The following NEGR1 variants were observed in gnomAD, a reference collection of about 807,000 sequenced individuals.
NEGR1 encodes neuronal growth regulator 1.
In NEGR1, 10 loss-of-function variants were observed where a neutral mutation model predicts 40.9. The observed-to-expected ratio is 0.24, with a 90% CI of 0.15 to 0.42. NEGR1 has a LOEUF of 0.42. NEGR1 is among the 10% of genes least tolerant of loss of function. NEGR1 has a pLI of 1.00. For synonymous variants in NEGR1, 185 were observed against 166.8 expected (o/e 1.11, Z -0.84); for missense variants, 352 against 438.9 (o/e 0.80, Z 1.77).
chr1:72,091,594 A>T (rs1388400166), intron 1 of NEGR1, among the ~76,000 whole-genome samples: 2 of 152,070 alleles, frequency 1.3e-5, no homozygotes, highest in African/African-American at 4.8e-5. Context: ...CTATAGTTGT[A>T]TTCAAGTCCC....
At chr1:71,440,263 T>C (rs1646537906) in intron 6 of NEGR1, among the ~76,000 whole-genome samples, 1 of 152,212 alleles carries the variant, frequency 6.6e-6, no homozygotes, top group Non-Finnish European at 1.5e-5. Flanking sequence ...TGAGAAATAC[T>C]GAATTACCAG....
At chr1:72,182,767 T>C in intron 1 of NEGR1, among the ~76,000 whole-genome samples, 1 of 79,834 alleles carries the variant, frequency 1.3e-5, no homozygotes, top group South Asian at 4.1e-4. Flanking sequence ...TGAGTATCTG[T>C]GTGTGCGTGT....
chr1:72,150,820 TA>T (rs1651099405), intron 1 of NEGR1, among the ~76,000 whole-genome samples: 1 of 152,110 alleles, frequency 6.6e-6, no homozygotes, highest in African/African-American at 2.4e-5. Flanking sequence ...CTTATTCACA[TA>T]TTTTTTGCAA....
At chr1:71,786,656 A>T (rs1450996659) in intron 2 of NEGR1, among the ~76,000 whole-genome samples, 3 of 152,118 alleles carry the variant, frequency 2.0e-5, no homozygotes, top group African/African-American at 7.2e-5. Flanking sequence ...TCTTCCTTCC[A>T]TCCACCCATC....
chr1:71,736,782 T>A (rs879708855), intron 3 of NEGR1, among the ~76,000 whole-genome samples: 2 of 152,202 alleles, frequency 1.3e-5, no homozygotes, highest in Non-Finnish European at 2.9e-5. Context: ...AAGAACTAAA[T>A]ATTTGCTGAA....
At chr1:71,918,630 C>T (rs1434299159) in intron 2 of NEGR1, among the ~76,000 whole-genome samples, 1 of 151,818 alleles carries the variant, frequency 6.6e-6, no homozygotes, top group African/African-American at 2.4e-5. Flanking sequence ...GAAAAACACA[C>T]ATAGCTTTTT....
At chr1:71,445,671 C>G (rs568180810) in intron 6 of NEGR1, among the ~76,000 whole-genome samples, 1 of 152,094 alleles carries the variant, frequency 6.6e-6, no homozygotes, top group African/African-American at 2.4e-5. Context: ...AAAATAAGAC[C>G]TAGAAAATGC....
chr1:71,695,597 A>C (rs1653449996), intron 4 of NEGR1, among the ~76,000 whole-genome samples: 1 of 151,764 alleles, frequency 6.6e-6, no homozygotes, highest in Admixed American at 6.6e-5. Flanking sequence ...AGTGTCTGAC[A>C]CCCTGACAAA....
At chr1:71,572,604 C>A (rs140342867) in intron 6 of NEGR1, among the ~76,000 whole-genome samples, 1 of 152,068 alleles carries the variant, frequency 6.6e-6, no homozygotes, top group Non-Finnish European at 1.5e-5. Context: ...CAGCCATGTA[C>A]GCGTGAGGTC....
At chr1:71,772,295 T>C (rs186380204) in intron 3 of NEGR1, among the ~76,000 whole-genome samples, 7 of 152,142 alleles carry the variant, frequency 4.6e-5, no homozygotes, top group Non-Finnish European at 1.0e-4. Context: ...TCCCAGCTAG[T>C]TGGGAGACTG....
intron 1 of NEGR1, among the ~76,000 whole-genome samples, chr1:72,071,410 T>C (rs536774082): frequency 6.6e-6 from 1 of 152,276 alleles, no homozygotes; most frequent in Admixed American, 6.5e-5. Context: ...ATTAGTAGAA[T>C]AACAAGTATC....
At chr1:71,976,503 C>G (rs1434721991) in intron 1 of NEGR1, among the ~76,000 whole-genome samples, 1 of 152,122 alleles carries the variant, frequency 6.6e-6, no homozygotes, top group African/African-American at 2.4e-5. Flanking sequence ...TTTTTAACAC[C>G]TGATAAGTGA....
chr1:71,646,484 T>C (rs1355455541), intron 4 of NEGR1, among the ~76,000 whole-genome samples: 1 of 151,814 alleles, frequency 6.6e-6, no homozygotes, highest in African/African-American at 2.4e-5. Flanking sequence ...CTGAAAATTA[T>C]AGGACATGAC....
intron 2 of NEGR1, among the ~76,000 whole-genome samples, chr1:71,883,659 T>C (rs1660643981): frequency 6.6e-6 from 1 of 152,086 alleles, no homozygotes; most frequent in African/African-American, 2.4e-5. Flanking sequence ...ATGCGCCGTG[T>C]TGGTGTGCTG....
At chr1:72,165,981 C>T (rs969387670) in intron 1 of NEGR1, among the ~76,000 whole-genome samples, 1 of 151,898 alleles carries the variant, frequency 6.6e-6, no homozygotes, top group African/African-American at 2.4e-5. Flanking sequence ...TCAACTTGAA[C>T]TACGTTAGGC....
chr1:71,882,018 A>T (rs2101844025), intron 2 of NEGR1, among the ~76,000 whole-genome samples: 1 of 152,218 alleles, frequency 6.6e-6, no homozygotes, highest in African/African-American at 2.4e-5. Flanking sequence ...TCTGTAACTG[A>T]CAGATGTTTT....
intron 1 of NEGR1, among the ~76,000 whole-genome samples, chr1:72,063,027 A>C (rs188706237): frequency 6.6e-6 from 1 of 152,030 alleles, no homozygotes; most frequent in East Asian, 1.9e-4. Context: ...TATATGTTGC[A>C]TTTTTAAAGA....
At chr1:71,498,735 TTGA>T (rs1322865011) in intron 6 of NEGR1, among the ~76,000 whole-genome samples, 3 of 152,156 alleles carry the variant, frequency 2.0e-5, no homozygotes, top group Non-Finnish European at 4.4e-5. Flanking sequence ...TAATTTGCAG[TTGA>T]TTATGCAATC....
At chr1:71,651,559 T>G (rs1315245152) in intron 4 of NEGR1, among the ~76,000 whole-genome samples, 2 of 152,130 alleles carry the variant, frequency 1.3e-5, no homozygotes, top group African/African-American at 4.8e-5. Flanking sequence ...TTCAGCTGCT[T>G]TAATTAAAAT....
Sources: gnomAD v4.1 joint callset for allele counts (sites outside exome capture counted in the v4.1 genomes callset) on GRCh38, gnomAD v4.1.1 for gene constraint, MANE v1.5 for transcripts, NCBI Gene and HGNC (gene_info 2026-07-23, HGNC 2026-07-21) for gene names.